SLC47A1: variants seen among roughly 807,000 people sequenced by gnomAD.
SLC47A1 encodes the protein multidrug and toxin extrusion protein 1.
SLC47A1 carries 58 observed loss-of-function variants against 65.8 expected under a neutral mutation model. That is an observed-to-expected ratio of 0.88 (90% CI 0.71 to 1.10). The LOEUF (loss-of-function observed/expected upper bound fraction) is 1.10, where lower values mean the gene tolerates loss of function less well. SLC47A1 is among the 50% of genes least tolerant of loss of function. The pLI, the probability that SLC47A1 is intolerant of heterozygous loss-of-function variation, is 0.00. For missense variants in SLC47A1, 706 were observed against 719.2 expected (o/e 0.98, Z 0.21); for synonymous variants, 285 against 295.0 (o/e 0.97, Z 0.35).
At chr17:19,548,179 A>G (rs751945905) in intron 4 of SLC47A1, 46 bp downstream of exon 4, 59 of 1,588,348 alleles carry the variant, frequency 3.7e-5, no homozygotes, top group Non-Finnish European at 4.6e-5. Context: ...CATCCCACGG[A>G]AAGATTATCC....
At chr17:19,555,347 G>T (rs1164125975) in intron 7 of SLC47A1, 38 bp downstream of exon 7, 1 of 1,605,426 alleles carries the variant, frequency 6.2e-7, no homozygotes, top group Non-Finnish European at 8.5e-7. Flanking sequence ...GAGAAGGGAT[G>T]ACTTGCATGT....
chr17:19,560,488 C>T lies in SLC47A1; in HGVS notation c.1101C>T (p.Thr367=), dbSNP rs1240264314. 6.2e-6 allele frequency: 10 copies of T among 1,613,920 alleles called. No individual in the cohort carries two copies. The highest frequency in any genetic ancestry group is 2.7e-5 in the African/African-American group (2 of 74,904). Residue 367 remains threonine, a synonymous_variant, in exon 12 of 17, where the codon ACC becomes ACT. Coordinates refer to ENST00000270570, the MANE Select transcript of SLC47A1 (RefSeq NM_018242.3). ...ATCACGTGGGGTACATTTTTACTAC[C>T]GACCGGTGAGTGCTAGGATTTTCTT... ...CKDHVGYIFT[T]DRDIINLVAQ...
Position 19,548,017 on chromosome 17 carries a change from C to T in SLC47A1, c.339C>T (p.Gly113=), listed in dbSNP as rs148545261. ...GGAGCCAGAACCTGAAGCACGTGGG[C>T]GTGATCCTGCAGCGGAGTGCGCTCG... ...TYGSQNLKHV[G]VILQRSALVL... Residue 113 remains glycine, a synonymous_variant, in exon 4 of 17, where the codon GGC becomes GGT. Transcript: ENST00000270570. 32 of 1,613,734 alleles carry T rather than the reference C, an allele frequency of 2.0e-5. No homozygotes were observed. Among genetic ancestry groups the T allele is most frequent in the East Asian group, 4.5e-5 (2 of 44,872 alleles).
In SLC47A1 at chr17:19,560,458, T is replaced by C. The variant is rs2152315404; in HGVS notation, c.1071T>C (p.Cys357=). The change falls in exon 12 of 17, where the codon TGT becomes TGC. Residue 357 remains cysteine, a synonymous_variant. Coordinates refer to ENST00000270570, the MANE Select transcript of SLC47A1 (RefSeq NM_018242.3). ...AVAFSVLLLS[C]KDHVGYIFTT... ...CCTTCAGTGTCCTGCTGTTAAGCTG[T>C]AAGGATCACGTGGGGTACATTTTTA... 6.2e-7 allele frequency: 1 copy of C among 1,614,206 alleles called. No individual in the cohort carries two copies. Among genetic ancestry groups the C allele is most frequent in the East Asian group, 2.2e-5 (1 of 44,876 alleles).
At chr17:19,575,060 T>TCTCCCTCC (rs528823749) in intron 16 of SLC47A1, among the ~76,000 whole-genome samples, 1 of 150,236 alleles carries the variant, frequency 6.7e-6, no homozygotes, top group Non-Finnish European at 1.5e-5. Context: ...ATTTTCTTTT[T>TCTCCCTCC]CTCCCTCCCT....
intron 15 of SLC47A1, 132 bp from the exon 16 acceptor site, chr17:19,572,648 T>C (rs2084409406): frequency 2.6e-6 from 2 of 766,312 alleles, no homozygotes; most frequent in African/African-American, 1.7e-5. Flanking sequence ...AAAGATGACC[T>C]GTGAATGAGA....
chr17:19,546,567 G>T, intron 3 of SLC47A1, 64 bp downstream of exon 3: 1 of 1,493,160 alleles, frequency 6.7e-7, no homozygotes, highest in South Asian at 1.2e-5. Flanking sequence ...GTAGATGGAA[G>T]AGCTCCACTG....
In SLC47A1 at chr17:19,560,484, C is replaced by G. The variant is rs1175390725; in HGVS notation, c.1097C>G (p.Thr366Ser). ...SCKDHVGYIF[T>S]TDRDIINLVA... ...AAGGATCACGTGGGGTACATTTTTACTACCGACCGGTGAGTGCTAGGATTT... is the reference window on the plus strand; with the variant it reads ...AAGGATCACGTGGGGTACATTTTTAGTACCGACCGGTGAGTGCTAGGATTT... Residue 366 changes from threonine to serine, a missense_variant, in exon 12 of 17, where the codon ACT becomes AGT. Physicochemically the swap from Thr to Ser is moderately conservative, Grantham distance 58. Transcript: ENST00000270570. 1 of 1,614,174 alleles carries G rather than the reference C, an allele frequency of 6.2e-7. No homozygotes were observed.
intron 10 of SLC47A1, chr17:19,559,965 T>C: frequency 1.9e-6 from 1 of 515,134 alleles, no homozygotes; most frequent in Non-Finnish European, 3.4e-6. Context: ...GGTTGGAAGC[T>C]CTGCAGCAAA....
At position 19,555,871 on chromosome 17, in the gene SLC47A1, T is replaced by G; in HGVS notation, c.815T>G (p.Met272Arg). ...ATCCCCAGCATGCTCATGCTGTGCA[T>G]GGAGTGGTGGGCCTATGAGGTCGGG... The part of the protein sequence containing the change: ...LAIPSMLMLC[M>R]EWWAYEVGSF... The change falls in exon 9 of 17, where the codon ATG becomes AGG. Residue 272 changes from methionine (M) to arginine (R), a missense_variant. By Grantham distance (91) the Met-to-Arg change is moderately conservative (BLOSUM62 -1). Coordinates refer to ENST00000270570, the MANE Select transcript of SLC47A1 (RefSeq NM_018242.3). 2 of 1,613,910 alleles carry G rather than the reference T, an allele frequency of 1.2e-6. No individual in the cohort carries two copies. Among genetic ancestry groups the G allele is most frequent in the South Asian group, 1.1e-5 (1 of 91,076 alleles).
intron 12 of SLC47A1, among the ~76,000 whole-genome samples, chr17:19,561,344 T>C (rs1597505828): frequency 6.6e-6 from 1 of 151,810 alleles, no homozygotes; most frequent in East Asian, 2.0e-4. Flanking sequence ...TCTGACTCAT[T>C]TGCAAGATCA....
chr17:19,577,280 GA>G lies in SLC47A1; in HGVS notation c.1487-37del, dbSNP rs35672252. The G allele has an allele frequency of 2.2e-3, 3,390 of 1,538,342 alleles. 59 individuals carry two copies. In the African/African-American group the frequency reaches 0.038, roughly 17 times the overall value. On this transcript the variant is annotated intron_variant, in intron 16 of 16. Coordinates refer to ENST00000270570, the MANE Select transcript of SLC47A1 (RefSeq NM_018242.3). Reference sequence around the variant, plus strand: ...TTTATACATAGCCCTTTATAAAAATGAAAAAAAAAATCCCTTTTAAGCTGCT... The same window carrying G: ...TTTATACATAGCCCTTTATAAAAATGAAAAAAAAATCCCTTTTAAGCTGCT...
intron 2 of SLC47A1, among the ~76,000 whole-genome samples, chr17:19,546,088 C>T (rs1231229657): frequency 1.3e-5 from 2 of 152,058 alleles, no homozygotes; most frequent in African/African-American, 2.4e-5. Context: ...GTCATGGTAG[C>T]GCACTCCTGT....
intron 16 of SLC47A1, among the ~76,000 whole-genome samples, chr17:19,576,195 C>T (rs1345971524): frequency 1.3e-5 from 2 of 150,840 alleles, no homozygotes; most frequent in South Asian, 4.4e-4. Context: ...GCCTGTTGAT[C>T]TCCAAAGAGT....
chr17:19,577,391 A>G lies in SLC47A1; in HGVS notation c.1551A>G (p.Ser517=), dbSNP rs773810968. The change falls in exon 17 of 17, where the codon TCA becomes TCG. Residue 517 remains serine (S), a synonymous_variant. Transcript: ENST00000270570. ...NDVGKTGEPQ[S]DQQMRQEEPL... is the part of the protein sequence containing the mutation. ...TTGGAAAGACAGGCGAGCCTCAGTCAGATCAGCAGATGCGCCAAGAAGAAC... is the reference window on the plus strand; with the variant it reads ...TTGGAAAGACAGGCGAGCCTCAGTCGGATCAGCAGATGCGCCAAGAAGAAC... 6.2e-7 allele frequency: 1 copy of G among 1,614,230 alleles called. No individual in the cohort carries two copies. Among genetic ancestry groups the G allele is most frequent in the South Asian group, 1.1e-5 (1 of 91,084 alleles).
chr17:19,553,382 C>T (rs908771371), intron 6 of SLC47A1, among the ~76,000 whole-genome samples: 6 of 152,240 alleles, frequency 3.9e-5, no homozygotes, highest in Non-Finnish European at 2.9e-5. Flanking sequence ...GGTGGAATTC[C>T]GTGGCCTCAG....
Position 19,577,660 on chromosome 17 carries a change from A to G in SLC47A1, c.*107A>G. ...GAGTTAATGTCATTCAGGTGTGCCCATGGATTTTGAGGGCTGGAAATGCAA... is the reference window on the plus strand; with the variant it reads ...GAGTTAATGTCATTCAGGTGTGCCCGTGGATTTTGAGGGCTGGAAATGCAA... On this transcript the variant is annotated 3_prime_UTR_variant, in exon 17 of 17. Transcript: ENST00000270570. 2.0e-6 allele frequency: 3 copies of G among 1,520,574 alleles called. No individual in the cohort carries two copies. The highest frequency in any genetic ancestry group is 1.3e-5 in the South Asian group (1 of 76,366). 94.2% of individuals were successfully genotyped at this position (1,520,574 alleles called of 1,614,324 possible).
intron 2 of SLC47A1, 109 bp downstream of exon 2, chr17:19,542,603 C>A (rs1916178221): frequency 1.1e-6 from 1 of 891,644 alleles, no homozygotes; most frequent in African/African-American, 1.7e-5. Flanking sequence ...CAGACTTATT[C>A]TCTTACAGTG....
chr17:19,543,179 G>A (rs1916196774), intron 2 of SLC47A1, among the ~76,000 whole-genome samples: 1 of 149,794 alleles, frequency 6.7e-6, no homozygotes, highest in South Asian at 2.1e-4. Context: ...GTGTAATCTC[G>A]GCTCACTGCA....
Sources: allele counts gnomAD v4.1 joint callset (sites outside exome capture counted in the v4.1 genomes callset), GRCh38; gene constraint gnomAD v4.1.1; transcripts MANE v1.5; gene names NCBI Gene and HGNC (gene_info 2026-07-23, HGNC 2026-07-21).